HIVEP2: variants seen among roughly 807,000 people sequenced by gnomAD.
HIVEP2 encodes the protein transcription factor HIVEP2.
A neutral mutation model predicts 180.7 loss-of-function variants in HIVEP2; 14 were observed. The ratio of observed to expected loss-of-function variants is 0.08; its 90% CI spans 0.05 to 0.12. The LOEUF is 0.12. Among genes scored for constraint, HIVEP2 ranks in the 10% least tolerant of loss-of-function variants. HIVEP2 has a pLI of 1.00. For synonymous variants in HIVEP2, 1,184 were observed against 1,136.4 expected, an observed-to-expected ratio of 1.04 and a Z score of -0.84; for missense variants, 2,579 against 3,008.5, an observed-to-expected ratio of 0.86 and a Z score of 3.34.
intron 1 of HIVEP2, among the ~76,000 whole-genome samples, chr6:142,870,941 C>A (rs1776277254): frequency 6.6e-6 from 1 of 152,164 alleles, no homozygotes. Flanking sequence ...AAGCAATGTA[C>A]AATTACCATA....
In HIVEP2 at chr6:142,760,608, C is replaced by T. The variant is rs1775204783; in HGVS notation, c.5680G>A (p.Asp1894Asn). Residue 1894 changes from aspartate to asparagine, a missense_variant, in exon 9 of 10, where the codon GAT becomes AAT. Physicochemically the swap from Asp to Asn is conservative, Grantham distance 23. Around this residue, in one of 11 missense-constraint regions of HIVEP2, gnomAD observed 660 missense variants for 731.7 expected, o/e 0.90. Coordinates refer to ENST00000367603, the MANE Select transcript of HIVEP2 (RefSeq NM_006734.4). ...TCCTCAGCATCGGAGAACTGATGAT[C>T]AGTTGAAATGCTGGACATGCTATGC... is the stretch of plus-strand genomic sequence containing the variant. ...EKHSMSSIST[D>N]HQFSDAEESD... is the part of the protein sequence containing the mutation. 2 of 1,613,694 alleles carry T rather than the reference C, an allele frequency of 1.2e-6. No individual in the cohort carries two copies. The highest frequency in any genetic ancestry group is 1.3e-5 in the African/African-American group (1 of 75,048).
Position 142,770,276 on chromosome 6 carries a change from G to A in HIVEP2, c.4463C>T (p.Ser1488Phe). ...LTNSDIKKDL[S>F]RPQKPQLVRQ... is the part of the protein sequence containing the mutation. ...AACCAGCTGGGGTTTCTGGGGGCGG[G>A]AGAGGTCCTTTTTGATGTCTGAGTT... The change falls in exon 5 of 10, where the codon TCC (serine) becomes TTC (phenylalanine). Residue 1488 changes from serine to phenylalanine, a missense_variant. Physicochemically the swap from Ser to Phe is radical, Grantham distance 155. Coordinates refer to ENST00000367603, the MANE Select transcript of HIVEP2 (RefSeq NM_006734.4). The surrounding 1 kb of genome is among the most constrained non-coding windows in gnomAD (Gnocchi z 4.7). 3.1e-6 allele frequency: 5 copies of A among 1,614,172 alleles called. No individual in the cohort carries two copies. The highest frequency in any genetic ancestry group is 4.2e-6 in the Non-Finnish European group (5 of 1,180,042).
chr6:142,944,733 A>C (rs1778272156), intron 1 of HIVEP2: 1 of 152,714 alleles, frequency 6.5e-6, no homozygotes, highest in Non-Finnish European at 1.5e-5. Context: ...TGCACAGCCC[A>C]AACACACATG....
chr6:142,774,199 C>T lies in HIVEP2; in HGVS notation c.540G>A (p.Glu180=), dbSNP rs574563581. 6.2e-7 allele frequency: 1 copy of T among 1,614,114 alleles called. No individual in the cohort carries two copies. Among genetic ancestry groups the T allele is most frequent in the South Asian group, 1.1e-5 (1 of 91,088 alleles). The stretch of plus-strand genomic sequence containing the variant: ...ACTTGCCAGGCTTTTTGGGTTTGTG[C>T]TCTTTCTTGTGAGCCTCTTCTGCCT... ...IEQAEEAHKK[E]HKPKKPGKYI... Residue 180 remains glutamate, a synonymous_variant, in exon 5 of 10, where the codon GAG becomes GAA. Coordinates refer to ENST00000367603, the MANE Select transcript of HIVEP2 (RefSeq NM_006734.4). The surrounding 1 kb of genome is among the most constrained non-coding windows in gnomAD (Gnocchi z 5.1).
At chr6:142,813,669 G>C (rs1176032561) in intron 2 of HIVEP2, among the ~76,000 whole-genome samples, 3 of 149,222 alleles carry the variant, frequency 2.0e-5, no homozygotes, top group Non-Finnish European at 4.4e-5. Flanking sequence ...CAACTTTCAA[G>C]GACTCAAGCA....
rs766288375 is a variant in HIVEP2 at position 142,772,204 on chromosome 6, T to C, written c.2535A>G (p.Pro845=). ...CAGGTGGAGCCCACTCAGGACTCAC[T>C]GGGGCTTCTGAAATCTCACTGTCAC... ...ETCDSEISEA[P]VSPEWAPPGD... is the part of the protein sequence containing the mutation. The change falls in exon 5 of 10, where the codon CCA becomes CCG. Residue 845 remains proline, a synonymous_variant. Transcript: ENST00000367603. This position sits in a 1 kb window ranked among gnomAD's most constrained non-coding sequence, Gnocchi z 4.9. 6.2e-7 allele frequency: 1 copy of C among 1,614,170 alleles called. No homozygotes were observed. The highest frequency in any genetic ancestry group is 1.1e-5 in the South Asian group (1 of 91,084).
intron 1 of HIVEP2, among the ~76,000 whole-genome samples, chr6:142,916,988 A>G (rs1777569020): frequency 6.6e-6 from 1 of 152,224 alleles, no homozygotes; most frequent in Admixed American, 6.5e-5. Flanking sequence ...AGCATAATGG[A>G]CATACTATAA....
In HIVEP2 at chr6:142,760,382, A is replaced by C; in HGVS notation, c.5906T>G (p.Ile1969Ser). 6.2e-7 allele frequency: 1 copy of C among 1,614,236 alleles called. No homozygotes were observed. Among genetic ancestry groups the C allele is most frequent in the Non-Finnish European group, 8.5e-7 (1 of 1,180,040 alleles). ...SDSSLGHSSL[I>S]SYLVTLPSIR... ...ACTTGGCAAAGTAACCAAATAGCTG[A>C]TCAACGAAGAATGTCCCAGGGAACT... Residue 1969 changes from isoleucine to serine, a missense_variant, in exon 9 of 10, where the codon ATC (isoleucine) becomes AGC (serine). Physicochemically the swap from Ile to Ser is moderately radical, Grantham distance 142. Around this residue, in one of 11 missense-constraint regions of HIVEP2, gnomAD observed 660 missense variants for 731.7 expected, o/e 0.90. Transcript: ENST00000367603.
At chr6:142,932,243 A>C (rs1777957289) in intron 1 of HIVEP2, among the ~76,000 whole-genome samples, 1 of 152,134 alleles carries the variant, frequency 6.6e-6, no homozygotes, top group Non-Finnish European at 1.5e-5. Flanking sequence ...TTTATACTCT[A>C]CTTCATATTC....
intron 1 of HIVEP2, among the ~76,000 whole-genome samples, chr6:142,929,324 T>C (rs1442518631): frequency 2.0e-5 from 3 of 152,182 alleles, no homozygotes; most frequent in African/African-American, 4.8e-5. Context: ...AAATGTTTTA[T>C]TTTATAATCC....
chr6:142,813,431 A>T (rs1175661499), intron 2 of HIVEP2, among the ~76,000 whole-genome samples: 1 of 152,218 alleles, frequency 6.6e-6, no homozygotes, highest in Non-Finnish European at 1.5e-5. Context: ...ACATATATAC[A>T]TGGATGACAT....
Position 142,752,597 on chromosome 6 carries a change from T to C in HIVEP2, c.*510A>G, listed in dbSNP as rs1774949065. On this transcript the variant is annotated 3_prime_UTR_variant, in exon 10 of 10. Coordinates refer to ENST00000367603, the MANE Select transcript of HIVEP2 (RefSeq NM_006734.4). Reference sequence around the variant, plus strand: ...AGCAATCCACAACATTAAGAAAAAATGTACAATTTATGAAACAAAGTAAAT... The same window carrying C: ...AGCAATCCACAACATTAAGAAAAAACGTACAATTTATGAAACAAAGTAAAT... 6.5e-6 allele frequency: 1 copy of C among 153,444 alleles called. No homozygotes were observed. Among genetic ancestry groups the C allele is most frequent in the African/African-American group, 2.4e-5 (1 of 41,404 alleles). 9.5% of individuals were successfully genotyped at this position (153,444 alleles called of 1,614,324 possible). A position where few individuals can be genotyped will look rare whatever the true frequency, so the allele number is the denominator to read the frequency against.
At position 142,920,899 on chromosome 6, in the gene HIVEP2, T is replaced by C. The variant is rs537739364; in HGVS notation, c.-641+24200A>G. ...TTGGGAGACTGAGGTAGGAGGATCC[T>C]GTGAGCCCAGGAGGTAGAGGCTGTA... On this transcript the variant is annotated intron_variant, in intron 1 of 9. Transcript: ENST00000367603. Among the ~76,000 whole-genome samples, 9 of 152,122 alleles carry C rather than the reference T, an allele frequency of 5.9e-5. No individual in the cohort carries two copies. The South Asian group carries it at 1.9e-3, about 32-fold the overall frequency.
intron 3 of HIVEP2, among the ~76,000 whole-genome samples, chr6:142,781,638 G>T (rs1212036280): frequency 6.6e-6 from 1 of 152,146 alleles, no homozygotes; most frequent in African/African-American, 2.4e-5. Flanking sequence ...AGTGGTAATG[G>T]AACTAAAGGA....
At chr6:142,855,004 A>G (rs142882846) in intron 1 of HIVEP2, among the ~76,000 whole-genome samples, 1 of 152,378 alleles carries the variant, frequency 6.6e-6, no homozygotes, top group Admixed American at 6.5e-5. Context: ...AACTAAAAGC[A>G]GAAAAAGTTT....
Position 142,909,095 on chromosome 6 carries a change from T to C in HIVEP2, c.-641+36004A>G, listed in dbSNP as rs9390034. Reference sequence around the variant, plus strand: ...TCTAAACGTTATTGTCTCTACTATATGGAGCCTGTGTGTCTGCCTAACACA... The same window carrying C: ...TCTAAACGTTATTGTCTCTACTATACGGAGCCTGTGTGTCTGCCTAACACA... On this transcript the variant is annotated intron_variant, in intron 1 of 9. Coordinates refer to ENST00000367603, the MANE Select transcript of HIVEP2 (RefSeq NM_006734.4). 8.4e-3 allele frequency among the ~76,000 whole-genome samples: 1,283 copies of C among 152,318 alleles called. 85 individuals carry two copies. In the East Asian group the frequency reaches 0.17, roughly 20 times the overall value.
At chr6:142,796,682 T>C (rs1457643771) in intron 2 of HIVEP2, among the ~76,000 whole-genome samples, 1 of 152,178 alleles carries the variant, frequency 6.6e-6, no homozygotes. Flanking sequence ...GGGGAGCACT[T>C]CTAGCATTAG....
At chr6:142,801,228 A>G (rs1316526500) in intron 2 of HIVEP2, among the ~76,000 whole-genome samples, 1 of 151,370 alleles carries the variant, frequency 6.6e-6, no homozygotes. Context: ...AATACACACA[A>G]TACCTTCAGT....
intron 1 of HIVEP2, among the ~76,000 whole-genome samples, chr6:142,864,984 C>T (rs978298356): frequency 1.3e-5 from 2 of 152,194 alleles, no homozygotes; most frequent in African/African-American, 4.8e-5. Flanking sequence ...TATGTGCTAG[C>T]ACTTAGAATT....
Sources: gnomAD v4.1 joint callset for allele counts (sites outside exome capture counted in the v4.1 genomes callset) on GRCh38, gnomAD v4.1.1 for gene constraint, gnomAD v4.1.1 regional missense constraint, Gnocchi (gnomAD v3.1) non-coding constraint, MANE v1.5 for transcripts, NCBI Gene and HGNC (gene_info 2026-07-23, HGNC 2026-07-21) for gene names.